UBA6: variants seen among roughly 807,000 people sequenced by gnomAD.
UBA6 encodes ubiquitin like modifier activating enzyme 6.
Under a neutral mutation model 148.3 loss-of-function variants are expected in UBA6, and 87 were observed. The ratio of observed to expected loss-of-function variants is 0.59; its 90% CI spans 0.49 to 0.70. The LOEUF (loss-of-function observed/expected upper bound fraction) is 0.70, where lower values mean the gene tolerates loss of function less well. Ranked by LOEUF, UBA6 falls within the 30% of genes least tolerant of loss-of-function variation. The pLI, the probability that UBA6 is intolerant of heterozygous loss-of-function variation, is 0.00. For synonymous variants in UBA6, 376 were observed against 401.0 expected (o/e 0.94, Z 0.75); for missense variants, 1,186 against 1,241.2 (o/e 0.96, Z 0.67).
chr4:67,663,271 C>T (rs1340585465), intron 11 of UBA6, 56 bp from the exon 12 acceptor site: 1 of 1,152,236 alleles, frequency 8.7e-7, no homozygotes, highest in Non-Finnish European at 1.3e-6. Context: ...ATGTCCCAGG[C>T]ACTGGGCTAA....
chr4:67,652,687 C>T (rs913841107), intron 13 of UBA6, among the ~76,000 whole-genome samples: 1 of 152,182 alleles, frequency 6.6e-6, no homozygotes, highest in Non-Finnish European at 1.5e-5. Flanking sequence ...ACAGTGGGTG[C>T]AGCCCATGGA....
intron 9 of UBA6, among the ~76,000 whole-genome samples, chr4:67,666,825 T>A (rs915329422): frequency 6.6e-6 from 1 of 152,056 alleles, no homozygotes; most frequent in Non-Finnish European, 1.5e-5. Context: ...CAGTGAGCCA[T>A]GATCATGTCG....
At chr4:67,633,584 T>A in intron 22 of UBA6, 111 bp from the exon 23 acceptor site, 2 of 899,580 alleles carry the variant, frequency 2.2e-6, no homozygotes, top group Non-Finnish European at 3.1e-6. Context: ...GTTTTATGCT[T>A]TTCTTTTTTC....
Position 67,665,431 on chromosome 4 carries a change from GTTTT to G in UBA6, c.794-143_794-140del, listed in dbSNP as rs71269059. ...GCATAGTGTTTTTTTTTGTTTGTTT[GTTTT>G]TTTTTTTTTTTAATGAAGAGCTGGG... On this transcript the variant is annotated intron_variant, in intron 9 of 32. Coordinates refer to ENST00000322244, the MANE Select transcript of UBA6 (RefSeq NM_018227.6). 2.3e-5 allele frequency: 8 copies of G among 344,814 alleles called. No homozygotes were observed. The Admixed American group carries it at 2.8e-4, about 12-fold the overall frequency. The allele number at this position is 344,814 out of a possible 1,614,324, so 21.4% of individuals were successfully genotyped here. A position where few individuals can be genotyped will look rare whatever the true frequency, so the allele number is the denominator to read the frequency against.
intron 28 of UBA6, 83 bp from the exon 29 acceptor site, chr4:67,625,270 C>A: frequency 9.7e-7 from 1 of 1,030,064 alleles, no homozygotes; most frequent in Non-Finnish European, 1.4e-6. Flanking sequence ...AATTTACTAA[C>A]TTTCAAAGAT....
chr4:67,635,771 G>A (rs1398856713), intron 19 of UBA6, among the ~76,000 whole-genome samples: 2 of 95,794 alleles, frequency 2.1e-5, no homozygotes, highest in African/African-American at 7.3e-5. Context: ...CCTAAATCTG[G>A]GGCTTTCTTA....
At chr4:67,689,940 GAACA>G (rs1216786142) in intron 2 of UBA6, among the ~76,000 whole-genome samples, 1 of 152,016 alleles carries the variant, frequency 6.6e-6, no homozygotes, top group African/African-American at 2.4e-5. Context: ...ACATACATGT[GAACA>G]AATACTATGT....
At chr4:67,632,736 T>C (rs1729028680) in intron 23 of UBA6, among the ~76,000 whole-genome samples, 1 of 152,152 alleles carries the variant, frequency 6.6e-6, no homozygotes, top group Admixed American at 6.5e-5. Flanking sequence ...GGCGTGCACA[T>C]GCAGCCTCAG....
chr4:67,635,463 T>A lies in UBA6; in HGVS notation c.1832A>T (p.Tyr611Phe). 1 of 1,587,392 alleles carries A rather than the reference T, an allele frequency of 6.3e-7. No individual in the cohort carries two copies. The highest frequency in any genetic ancestry group is 8.6e-7 in the Non-Finnish European group (1 of 1,156,226). Reference protein sequence around the residue: ...EVIVPHLTESYNSHRDPPEEE... With the variant: ...EVIVPHLTESFNSHRDPPEEE... The stretch of plus-strand genomic sequence containing the variant: ...TATTGATTCACTTACATGACTATTG[T>A]AAGACTCAGTCAAATGCGGTACAAT... Residue 611 changes from tyrosine to phenylalanine, a missense_variant, in exon 20 of 33, where the codon TAC becomes TTC. By Grantham distance (22) the Tyr-to-Phe change is conservative. Coordinates refer to ENST00000322244, the MANE Select transcript of UBA6 (RefSeq NM_018227.6).
In UBA6 at chr4:67,649,198, G is replaced by A. The variant is rs755386689; in HGVS notation, c.1118C>T (p.Ala373Val). The A allele has an allele frequency of 1.2e-6, 2 of 1,610,002 alleles. No homozygotes were observed. Among genetic ancestry groups the A allele is most frequent in the South Asian group, 2.2e-5 (2 of 89,836 alleles). The change falls in exon 14 of 33, where the codon GCT (alanine) becomes GTT (valine). Residue 373 changes from alanine to valine, a missense_variant. Transcript: ENST00000322244. ...CCAAGAGAGCCAATGCACAATGTCA[G>A]CATTTACATCAGGCTAAAACAAAAG... ...ETLEEKPDVN[A>V]DIVHWLSWTA... is the part of the protein sequence containing the mutation.
At chr4:67,679,253 A>C (rs1276005727) in intron 4 of UBA6, among the ~76,000 whole-genome samples, 2 of 152,126 alleles carry the variant, frequency 1.3e-5, no homozygotes, top group Non-Finnish European at 2.9e-5. Flanking sequence ...ACCTATCTAC[A>C]AAAACAAATG....
At chr4:67,682,312 G>T in intron 2 of UBA6, 99 bp from the exon 3 acceptor site, 2 of 810,118 alleles carry the variant, frequency 2.5e-6, no homozygotes. Flanking sequence ...ACTCAATCCG[G>T]CCCACAGACT....
intron 2 of UBA6, among the ~76,000 whole-genome samples, chr4:67,692,852 AAG>A (rs1730727214): frequency 6.6e-6 from 1 of 152,182 alleles, no homozygotes; most frequent in African/African-American, 2.4e-5. Flanking sequence ...TAAAGTCTGG[AAG>A]ATTATACCAT....
chr4:67,661,230 G>A (rs2109931612), intron 13 of UBA6, among the ~76,000 whole-genome samples: 1 of 152,226 alleles, frequency 6.6e-6, no homozygotes, highest in Middle Eastern at 3.4e-3. Flanking sequence ...TTTGAAACGT[G>A]AGTACATGAG....
In UBA6 at chr4:67,673,828, G is replaced by A. The variant is rs1010762676; in HGVS notation, c.466-51C>T. 3.1e-6 allele frequency: 4 copies of A among 1,295,636 alleles called. No homozygotes were observed. The African/African-American group carries it at 5.9e-5, about 19-fold the overall frequency. 80.3% of individuals were successfully genotyped at this position (1,295,636 alleles called of 1,614,324 possible). On this transcript the variant is annotated intron_variant, in intron 6 of 32. Transcript: ENST00000322244. ...ACTAGAAAATACATAATTATTTTTT[G>A]TAGTATACAATAATCAGAAGCATGT...
chr4:67,689,687 T>A (rs745347570), intron 2 of UBA6, among the ~76,000 whole-genome samples: 1 of 152,106 alleles, frequency 6.6e-6, no homozygotes, highest in Non-Finnish European at 1.5e-5. Context: ...AGTGCCTTCT[T>A]AGTATCATCA....
At chr4:67,670,931 T>C (rs1017879) in intron 7 of UBA6, among the ~76,000 whole-genome samples, 32,961 of 152,084 alleles carry the variant, frequency 0.22, 3,688 homozygotes, top group Middle Eastern at 0.26. Context: ...TCTGGCTTAA[T>C]AGTCCAGCAG....
At chr4:67,670,653 CT>C in intron 7 of UBA6, 61 bp from the exon 8 acceptor site, 1 of 1,255,156 alleles carries the variant, frequency 8.0e-7, no homozygotes, top group Non-Finnish European at 1.1e-6. Context: ...ACTCTAGTAT[CT>C]TAGGCCATTT....
chr4:67,682,266 A>C lies in UBA6; in HGVS notation c.135-53T>G, dbSNP rs1730461814. ...AAAATTATTTCACTGAAATTATAAT[A>C]TCTCTTAAAGTTGTTTGCAAACTAA... On this transcript the variant is annotated intron_variant, in intron 2 of 32. Coordinates refer to ENST00000322244, the MANE Select transcript of UBA6 (RefSeq NM_018227.6). The C allele has an allele frequency of 2.9e-6, 4 of 1,394,524 alleles. No individual in the cohort carries two copies. The East Asian group carries it at 6.9e-5, about 24-fold the overall frequency. 86.4% of individuals were successfully genotyped at this position (1,394,524 alleles called of 1,614,324 possible).
Sources: gnomAD v4.1 joint callset for allele counts (sites outside exome capture counted in the v4.1 genomes callset) on GRCh38, gnomAD v4.1.1 for gene constraint, MANE v1.5 for transcripts, NCBI Gene and HGNC (gene_info 2026-07-23, HGNC 2026-07-21) for gene names.